The following UFD1 variants were observed in gnomAD, a reference collection of about 807,000 sequenced individuals.
UFD1 encodes ubiquitin recognition factor in ER associated degradation 1.
Under a neutral mutation model 45.9 loss-of-function variants are expected in UFD1, and 13 were observed. The observed-to-expected ratio is 0.28, with a 90% confidence interval of 0.18 to 0.45. The LOEUF (loss-of-function observed/expected upper bound fraction) is 0.45, where lower values mean the gene tolerates loss of function less well. Among genes scored for constraint, UFD1 ranks in the 20% least tolerant of loss-of-function variants. The pLI, the probability that UFD1 is intolerant of heterozygous loss-of-function variation, is 1.00. For missense variants in UFD1, 218 were observed against 389.2 expected, an observed-to-expected ratio of 0.56 and a Z score of 3.70; for synonymous variants, 128 against 139.2, an observed-to-expected ratio of 0.92 and a Z score of 0.56.
At chr22:19,451,731 TTA>T in intron 11 of UFD1, 2 of 985,460 alleles carry the variant, frequency 2.0e-6, no homozygotes, top group Non-Finnish European at 2.4e-6. Context: ...ACAGCTGCAT[TTA>T]GTCTTCCTTT....
rs535755655 is a variant in UFD1 at position 19,458,205 on chromosome 22, G to A, written c.496-66C>T. Reference sequence around the variant, plus strand: ...CAGCACTGGAGCTGTCGCTGTCCATGTTACTGTGGCTCTACTGGCTCCTGC... The same window carrying A: ...CAGCACTGGAGCTGTCGCTGTCCATATTACTGTGGCTCTACTGGCTCCTGC... On this transcript the variant is annotated intron_variant, in intron 6 of 11. Transcript: ENST00000263202. 1.7e-5 allele frequency: 26 copies of A among 1,567,776 alleles called. 1 individual carries two copies. The South Asian group carries it at 2.6e-4, about 15-fold the overall frequency.
intron 8 of UFD1, 92 bp downstream of exon 8, chr22:19,456,761 C>T: frequency 6.2e-7 from 1 of 1,613,566 alleles, no homozygotes; most frequent in Non-Finnish European, 8.5e-7. Flanking sequence ...TATGACTACA[C>T]CAACACTAGC....
In UFD1 at chr22:19,456,699, C is replaced by T. The variant is rs866032909; in HGVS notation, c.631-65G>A. ...GGACACCCAGCTTCCCTCTCACCCC[C>T]ACCCCCGGCTAGGATGTCCCCCGGA... On this transcript the variant is annotated intron_variant, in intron 8 of 11. Transcript: ENST00000263202. 5.6e-6 allele frequency: 9 copies of T among 1,613,546 alleles called. No homozygotes were observed. In the Middle Eastern group the frequency reaches 4.9e-4, roughly 89 times the overall value.
rs188951785 is a variant in UFD1, at chr22:19,456,500, G to T, written c.678+87C>A. 3 of 1,562,806 alleles carry T rather than the reference G, an allele frequency of 1.9e-6. No homozygotes were observed. The African/African-American group carries it at 4.1e-5, about 21-fold the overall frequency. ...GGCCTAACCCCTGCTGATGTCCATC[G>T]AGCATCATGGAGAACACCTTGAGTG... On this transcript the variant is annotated intron_variant, in intron 9 of 11. Transcript: ENST00000263202.
intron 3 of UFD1, 32 bp downstream of exon 3, chr22:19,475,036 C>G: frequency 1.2e-6 from 2 of 1,602,164 alleles, no homozygotes; most frequent in South Asian, 1.1e-5. Context: ...TGTACATTAT[C>G]TAAGTCCTTA....
At chr22:19,474,473 G>A (rs2089867257) in intron 3 of UFD1, among the ~76,000 whole-genome samples, 1 of 152,168 alleles carries the variant, frequency 6.6e-6, no homozygotes, top group African/African-American at 2.4e-5. Context: ...TTGAACCTGG[G>A]AGGCAGAGGT....
intron 1 of UFD1, chr22:19,478,855 C>T (rs879908671): frequency 5.0e-5 from 28 of 557,834 alleles, no homozygotes; most frequent in Admixed American, 7.7e-5. Flanking sequence ...AGGGCAAGTC[C>T]GGCTGAGACA....
At chr22:19,462,738 ATACAT>A (rs2089776842) in intron 6 of UFD1, among the ~76,000 whole-genome samples, 1 of 152,210 alleles carries the variant, frequency 6.6e-6, no homozygotes, top group Non-Finnish European at 1.5e-5. Flanking sequence ...TTTAAGCTTC[ATACAT>A]TAAACATTAT....
At chr22:19,452,897 G>T in intron 11 of UFD1, 1 of 250,132 alleles carries the variant, frequency 4.0e-6, no homozygotes, top group Non-Finnish European at 6.3e-6. Flanking sequence ...TTGCCTCAAA[G>T]TGGGGCTATT....
chr22:19,470,807 G>A (rs537984082), intron 4 of UFD1: 37 of 469,360 alleles, frequency 7.9e-5, no homozygotes, highest in Non-Finnish European at 7.3e-5. Context: ...AACGTCTGGC[G>A]GCCACCATGA....
Position 19,475,614 on chromosome 22 carries a change from A to G in UFD1, c.4-12T>C. On this transcript the variant is annotated splice_polypyrimidine_tract_variant and intron_variant, in intron 1 of 11. Transcript: ENST00000263202. ...ATGTTGAAAGAGAACTAGAAGGAGG[A>G]AAGAGAAACAAGTATTAAAACAAAG... is the stretch of plus-strand genomic sequence containing the variant. 1 of 1,613,864 alleles carries G rather than the reference A, an allele frequency of 6.2e-7. No homozygotes were observed. The highest frequency in any genetic ancestry group is 8.5e-7 in the Non-Finnish European group (1 of 1,179,934).
chr22:19,469,087 C>G (rs1416945760), intron 4 of UFD1, among the ~76,000 whole-genome samples: 2 of 152,112 alleles, frequency 1.3e-5, no homozygotes, highest in African/African-American at 4.8e-5. Flanking sequence ...GCTTGTCAGG[C>G]TAGTAAGGGC....
chr22:19,475,769 G>A (rs1217785634), intron 1 of UFD1, among the ~76,000 whole-genome samples, 167 bp from the exon 2 acceptor site: 1 of 152,106 alleles, frequency 6.6e-6, no homozygotes, highest in Non-Finnish European at 1.5e-5. Context: ...TGCCAAGCCT[G>A]TCCTGAACCT....
At chr22:19,456,701 C>A in intron 8 of UFD1, 67 bp from the exon 9 acceptor site, 1 of 1,613,262 alleles carries the variant, frequency 6.2e-7, no homozygotes, top group Non-Finnish European at 8.5e-7. Context: ...CTCACCCCCA[C>A]CCCCGGCTAG....
chr22:19,467,860 T>C lies in UFD1; in HGVS notation c.422+13A>G, dbSNP rs943792755. On this transcript the variant is annotated intron_variant, in intron 5 of 11. Transcript: ENST00000263202. ...CTTTGTCTAGAAGAACTCCGCTTAT[T>C]TGAAAAAGATACACGGCTTTGGGGT... 1.2e-6 allele frequency: 2 copies of C among 1,613,718 alleles called. No individual in the cohort carries two copies. The highest frequency in any genetic ancestry group is 3.3e-5 in the Admixed American group (2 of 59,992).
intron 6 of UFD1, among the ~76,000 whole-genome samples, chr22:19,459,019 CAT>C (rs922098086): frequency 1.3e-5 from 2 of 152,100 alleles, no homozygotes; most frequent in African/African-American, 4.8e-5. Flanking sequence ...TTGAATAACT[CAT>C]GTAATTTATT....
intron 3 of UFD1, 73 bp downstream of exon 3, chr22:19,474,995 G>A: frequency 4.9e-6 from 7 of 1,422,046 alleles, no homozygotes; most frequent in Non-Finnish European, 5.8e-6. Context: ...TGGATGTACT[G>A]AGGAGCCCAT....
chr22:19,466,835 A>G (rs1452107468), intron 5 of UFD1: 1 of 152,274 alleles, frequency 6.6e-6, no homozygotes, highest in Admixed American at 6.5e-5. Flanking sequence ...GTCTCAAAAA[A>G]AAGTCTGCAT....
Position 19,479,120 on chromosome 22 carries a change from G to A in UFD1, c.-35C>T. ...CACCTGGCAGACTCCGCTCCTCTCAGGCAATGCAACGAAGAAACCCCGCCG... is the reference window on the plus strand; with the variant it reads ...CACCTGGCAGACTCCGCTCCTCTCAAGCAATGCAACGAAGAAACCCCGCCG... On this transcript the variant is annotated 5_prime_UTR_variant, in exon 1 of 12. Transcript: ENST00000263202. 6.2e-7 allele frequency: 1 copy of A among 1,609,982 alleles called. No homozygotes were observed. The highest frequency in any genetic ancestry group is 8.5e-7 in the Non-Finnish European group (1 of 1,178,754).
Sources: gnomAD v4.1 joint callset for allele counts (sites outside exome capture counted in the v4.1 genomes callset) on GRCh38, gnomAD v4.1.1 for gene constraint, MANE v1.5 for transcripts, NCBI Gene and HGNC (gene_info 2026-07-23, HGNC 2026-07-21) for gene names.